The following TRPM3 variants were observed in gnomAD, a reference collection of about 807,000 sequenced individuals.
TRPM3 encodes the protein transient receptor potential cation channel subfamily M member 3, also known as long transient receptor potential channel 3.
TRPM3 carries 77 observed loss-of-function variants against 181.2 expected under a neutral mutation model. The observed-to-expected ratio is 0.42, with a 90% CI of 0.35 to 0.51. TRPM3 has a LOEUF of 0.51. Among genes scored for constraint, TRPM3 ranks in the 20% least tolerant of loss-of-function variants. The pLI, the probability that TRPM3 is intolerant of heterozygous loss-of-function variation, is 0.01. For synonymous variants in TRPM3, 745 were observed against 796.4 expected, an observed-to-expected ratio of 0.94 and a Z score of 1.09; for missense variants, 1,759 against 2,196.7, an observed-to-expected ratio of 0.80 and a Z score of 3.98.
intron 8 of TRPM3, among the ~76,000 whole-genome samples, chr9:70,693,963 T>C (rs1347673681): frequency 6.6e-6 from 1 of 152,232 alleles, no homozygotes; most frequent in African/African-American, 2.4e-5. Flanking sequence ...GAGACCAACA[T>C]CCTAATGGCA....
intron 3 of TRPM3, among the ~76,000 whole-genome samples, chr9:70,856,612 C>T (rs978874249): frequency 3.5e-4 from 53 of 152,122 alleles, no homozygotes; most frequent in African/African-American, 1.2e-3. Context: ...CCGTAAATCC[C>T]CACATTCCCT....
chr9:70,624,074 T>TC (rs1275547045), intron 14 of TRPM3, among the ~76,000 whole-genome samples: 4 of 152,036 alleles, frequency 2.6e-5, no homozygotes, highest in Non-Finnish European at 4.4e-5. Flanking sequence ...TTGTATGTAC[T>TC]CCCCCCACCT....
At chr9:70,841,847 T>C (rs190244428) in intron 5 of TRPM3, among the ~76,000 whole-genome samples, 2 of 151,440 alleles carry the variant, frequency 1.3e-5, no homozygotes, top group East Asian at 3.9e-4. Flanking sequence ...AGTCAAATAC[T>C]GCATGTTCTC....
chr9:71,256,861 A>ACAAAGTGTATTCCAGAG (rs2082705889), intron 1 of TRPM3, among the ~76,000 whole-genome samples: 1 of 152,348 alleles, frequency 6.6e-6, no homozygotes, highest in East Asian at 1.9e-4. Context: ...ATAGTATTTT[A>ACAAAGTGTATTCCAGAG]CAAAGTGTAT....
chr9:70,794,768 C>A (rs1258653041), intron 6 of TRPM3, among the ~76,000 whole-genome samples: 4 of 152,182 alleles, frequency 2.6e-5, no homozygotes, highest in Non-Finnish European at 5.9e-5. Flanking sequence ...CTACTGTAAA[C>A]CCCCACAGCC....
At chr9:71,241,728 C>T (rs952860162) in intron 1 of TRPM3, among the ~76,000 whole-genome samples, 2 of 152,090 alleles carry the variant, frequency 1.3e-5, no homozygotes, top group Non-Finnish European at 2.9e-5. Context: ...CATATTAATG[C>T]TTCATAAGCT....
At chr9:71,011,204 G>C (rs768214779) in intron 1 of TRPM3, among the ~76,000 whole-genome samples, 2 of 152,010 alleles carry the variant, frequency 1.3e-5, no homozygotes, top group Non-Finnish European at 2.9e-5. Flanking sequence ...ACAGGTACAA[G>C]GTTACAAGTT....
chr9:71,344,120 G>T (rs116387926), intron 1 of TRPM3, among the ~76,000 whole-genome samples: 1 of 152,024 alleles, frequency 6.6e-6, no homozygotes, highest in Non-Finnish European at 1.5e-5. Context: ...TGTGGAGTAG[G>T]TTGAAAATCT....
intron 1 of TRPM3, among the ~76,000 whole-genome samples, chr9:71,196,701 C>A (rs1009977332): frequency 6.6e-6 from 1 of 151,926 alleles, no homozygotes; most frequent in Non-Finnish European, 1.5e-5. Context: ...CAGGGAACTT[C>A]TTTTTCTTTC....
intron 1 of TRPM3, among the ~76,000 whole-genome samples, chr9:71,218,586 C>G (rs934434290): frequency 1.3e-5 from 2 of 152,128 alleles, no homozygotes; most frequent in Non-Finnish European, 2.9e-5. Flanking sequence ...CTTCATTTGG[C>G]TATCTGATAT....
At chr9:70,634,174 A>G (rs2066441681) in intron 12 of TRPM3, among the ~76,000 whole-genome samples, 1 of 152,184 alleles carries the variant, frequency 6.6e-6, no homozygotes, top group African/African-American at 2.4e-5. Flanking sequence ...CAGTGGCACG[A>G]TCTTGGCTCA....
chr9:70,588,563 G>C (rs182832364), intron 22 of TRPM3, among the ~76,000 whole-genome samples: 1 of 152,234 alleles, frequency 6.6e-6, no homozygotes, highest in East Asian at 1.9e-4. Context: ...CAGAAGGCCC[G>C]CACGGGGTAC....
In TRPM3 at chr9:70,862,924, T is replaced by C; in HGVS notation, c.446A>G (p.His149Arg). The C allele has an allele frequency of 6.2e-7, 1 of 1,613,446 alleles. No homozygotes were observed. Among genetic ancestry groups the C allele is most frequent in the Non-Finnish European group, 8.5e-7 (1 of 1,179,562 alleles). The change falls in exon 3 of 26, where the codon CAT becomes CGT. Residue 149 changes from histidine (H) to arginine (R), a missense_variant. By Grantham distance (29) the His-to-Arg change is conservative (BLOSUM62 0). Transcript: ENST00000677713. ...FGTIEFQGGG[H>R]SNKAMYVRVS... ...TCTGATTACCATGGCTTTGTTGGAA[T>C]GGCCACCTCCTTGGAACTCAATGGT...
At chr9:70,834,736 G>C (rs2094189488) in intron 5 of TRPM3, among the ~76,000 whole-genome samples, 1 of 152,194 alleles carries the variant, frequency 6.6e-6, no homozygotes, top group Admixed American at 6.5e-5. Flanking sequence ...ACTGCAGCTT[G>C]ATCCAAACCC....
intron 2 of TRPM3, 93 bp from the exon 3 acceptor site, chr9:70,863,205 C>A: frequency 9.6e-7 from 1 of 1,037,364 alleles, no homozygotes; most frequent in South Asian, 1.6e-5. Flanking sequence ...ATAGTCTGTG[C>A]CAACACCTGT....
intron 1 of TRPM3, among the ~76,000 whole-genome samples, chr9:71,389,314 A>T (rs997438449): frequency 8.6e-5 from 12 of 139,672 alleles, no homozygotes; most frequent in Middle Eastern, 3.8e-3. Flanking sequence ...GGCCATAATT[A>T]AAAAAAAAAA....
At chr9:70,544,756 A>G (rs2044412311) in intron 25 of TRPM3, among the ~76,000 whole-genome samples, 1 of 152,140 alleles carries the variant, frequency 6.6e-6, no homozygotes, top group East Asian at 1.9e-4. Context: ...AAGGGGGGAA[A>G]AAAAGAAAAA....
intron 14 of TRPM3, among the ~76,000 whole-genome samples, chr9:70,622,858 TTCTC>T (rs1026160231): frequency 1.3e-5 from 2 of 152,166 alleles, no homozygotes; most frequent in Non-Finnish European, 2.9e-5. Context: ...TCTCTCATTT[TTCTC>T]TCTCTCTTTC....
At chr9:71,445,426 T>C (rs2094190507) in intron 1 of TRPM3, among the ~76,000 whole-genome samples, 1 of 152,184 alleles carries the variant, frequency 6.6e-6, no homozygotes, top group Non-Finnish European at 1.5e-5. Flanking sequence ...TGAAGTAAAA[T>C]CACTTGCCTT....
Sources: gnomAD v4.1 joint callset for allele counts (sites outside exome capture counted in the v4.1 genomes callset) on GRCh38, gnomAD v4.1.1 for gene constraint, MANE v1.5 for transcripts, NCBI Gene and HGNC (gene_info 2026-07-23, HGNC 2026-07-21) for gene names.